KCTD8: variants seen among roughly 807,000 people sequenced by gnomAD.
KCTD8 encodes the protein potassium channel tetramerization domain containing 8.
A neutral mutation model predicts 31.5 loss-of-function variants in KCTD8; 27 were observed. The observed-to-expected ratio is 0.86, with a 90% CI of 0.63 to 1.18. The LOEUF is 1.18. Ranked by LOEUF, KCTD8 falls within the 50% of genes most tolerant of loss-of-function variation. The probability of loss-of-function intolerance (pLI) is 0.00; values close to 1 mark genes in which losing one functional copy is unlikely to be tolerated. For synonymous variants in KCTD8, 290 were observed against 280.0 expected (o/e 1.04, Z -0.36); for missense variants, 658 against 647.7 (o/e 1.02, Z -0.17).
chr4:44,174,036 T>G lies in KCTD8; in HGVS notation c.*754A>C, dbSNP rs1713121342. 1 of 152,128 alleles carries G rather than the reference T, an allele frequency of 6.6e-6. No individual in the cohort carries two copies. The highest frequency in any genetic ancestry group is 2.4e-5 in the African/African-American group (1 of 41,438). 9.4% of individuals were successfully genotyped at this position (152,128 alleles called of 1,614,324 possible). On this transcript the variant is annotated 3_prime_UTR_variant, in exon 2 of 2. Transcript: ENST00000360029. ...TTTTCACAGCCCGATGTAAGACTCA[T>G]TTCACAGTAATAATCATGACTAGCA... is the stretch of plus-strand genomic sequence containing the variant.
At chr4:44,410,225 T>C (rs1305639122) in intron 1 of KCTD8, among the ~76,000 whole-genome samples, 3 of 152,178 alleles carry the variant, frequency 2.0e-5, no homozygotes, top group African/African-American at 4.8e-5. Context: ...TATACAGAAA[T>C]TGCCTTCAAA....
intron 1 of KCTD8, among the ~76,000 whole-genome samples, chr4:44,390,406 C>T (rs1720342717): frequency 6.6e-6 from 1 of 151,752 alleles, no homozygotes; most frequent in African/African-American, 2.4e-5. Flanking sequence ...TTTCCCTCGA[C>T]CACCTTTATG....
chr4:44,268,960 C>A (rs965379798), intron 1 of KCTD8, among the ~76,000 whole-genome samples: 13 of 152,164 alleles, frequency 8.5e-5, no homozygotes, highest in African/African-American at 2.9e-4. Flanking sequence ...AAACGGCCAT[C>A]CTGCCCAAGG....
chr4:44,262,589 T>G (rs939245612), intron 1 of KCTD8, among the ~76,000 whole-genome samples: 2 of 152,156 alleles, frequency 1.3e-5, no homozygotes, highest in African/African-American at 2.4e-5. Context: ...AATTTGTTAT[T>G]TTGCCTTTAA....
intron 1 of KCTD8, among the ~76,000 whole-genome samples, chr4:44,385,476 T>C (rs1023890784): frequency 1.8e-4 from 27 of 151,718 alleles, no homozygotes; most frequent in African/African-American, 6.5e-4. Context: ...CAACAAATAA[T>C]GCTTGGAAAA....
At chr4:44,407,536 G>A (rs373798482) in intron 1 of KCTD8, among the ~76,000 whole-genome samples, 20 of 151,846 alleles carry the variant, frequency 1.3e-4, no homozygotes, top group African/African-American at 4.1e-4. Context: ...ACAGGCATGC[G>A]CCACCATGCC....
chr4:44,225,106 A>G (rs1012142035), intron 1 of KCTD8, among the ~76,000 whole-genome samples: 2 of 152,214 alleles, frequency 1.3e-5, no homozygotes, highest in Non-Finnish European at 2.9e-5. Context: ...AGTGGTCTCT[A>G]CCAAACCTTT....
intron 1 of KCTD8, among the ~76,000 whole-genome samples, chr4:44,323,856 C>G (rs778150034): frequency 2.0e-5 from 3 of 151,694 alleles, no homozygotes; most frequent in African/African-American, 7.3e-5. Flanking sequence ...ACATTATCAT[C>G]GCCTGGTCTG....
intron 1 of KCTD8, among the ~76,000 whole-genome samples, chr4:44,239,807 A>G (rs909642894): frequency 6.6e-6 from 1 of 152,168 alleles, no homozygotes; most frequent in African/African-American, 2.4e-5. Context: ...TTCTTGCCCA[A>G]TGCAATGTGT....
At chr4:44,320,824 A>AAAG (rs2109405882) in intron 1 of KCTD8, among the ~76,000 whole-genome samples, 1 of 150,880 alleles carries the variant, frequency 6.6e-6, no homozygotes, top group Non-Finnish European at 1.5e-5. Context: ...TGATTCTTAA[A>AAAG]AAAAAAAAAA....
Position 44,448,218 on chromosome 4 carries a change from G to A in KCTD8, c.306C>T (p.Asp102=). 6.2e-7 allele frequency: 1 copy of A among 1,612,146 alleles called. No homozygotes were observed. The highest frequency in any genetic ancestry group is 8.5e-7 in the Non-Finnish European group (1 of 1,179,588). The change falls in exon 1 of 2, where the codon GAC becomes GAT. Residue 102 remains aspartate (D), a synonymous_variant. Coordinates refer to ENST00000360029, the MANE Select transcript of KCTD8 (RefSeq NM_198353.3). This position sits in a 1 kb window ranked among gnomAD's most constrained non-coding sequence, Gnocchi z 4.1. ...CCAGCACGTACCTGAAAAGGAAGCCGTCCCGGTCGATGAAGAAGCGCGCCC... is the reference window on the plus strand; with the variant it reads ...CCAGCACGTACCTGAAAAGGAAGCCATCCCGGTCGATGAAGAAGCGCGCCC... ...DSRARFFIDR[D]GFLFRYVLDY...
intron 1 of KCTD8, among the ~76,000 whole-genome samples, chr4:44,258,370 TTA>T (rs1201867849): frequency 6.6e-6 from 1 of 151,982 alleles, no homozygotes; most frequent in Non-Finnish European, 1.5e-5. Flanking sequence ...TGGGTGAATT[TTA>T]TGATATGAAA....
intron 1 of KCTD8, among the ~76,000 whole-genome samples, chr4:44,335,921 C>T (rs3108896): frequency 6.6e-6 from 1 of 151,316 alleles, no homozygotes; most frequent in Non-Finnish European, 1.5e-5. Flanking sequence ...GAGGCCGAGG[C>T]GGGCGGATCA....
chr4:44,430,301 C>T (rs1721442465), intron 1 of KCTD8, among the ~76,000 whole-genome samples: 1 of 151,534 alleles, frequency 6.6e-6, no homozygotes, highest in African/African-American at 2.4e-5. Flanking sequence ...GACAGAGGAG[C>T]AAGAGTGTTC....
chr4:44,230,881 G>A (rs1303177000), intron 1 of KCTD8, among the ~76,000 whole-genome samples: 3 of 151,944 alleles, frequency 2.0e-5, no homozygotes, highest in African/African-American at 7.3e-5. Context: ...CTATCATTTG[G>A]GAATATCCAG....
chr4:44,435,265 C>G (rs1212272959), intron 1 of KCTD8, among the ~76,000 whole-genome samples: 1 of 151,934 alleles, frequency 6.6e-6, no homozygotes, highest in Non-Finnish European at 1.5e-5. Flanking sequence ...GAAATAACCT[C>G]AAGGAATTTA....
chr4:44,308,371 C>T (rs1482443881), intron 1 of KCTD8, among the ~76,000 whole-genome samples: 1 of 151,752 alleles, frequency 6.6e-6, no homozygotes, highest in South Asian at 2.1e-4. Context: ...AGAACCTGTT[C>T]CATATTTGGA....
intron 1 of KCTD8, among the ~76,000 whole-genome samples, chr4:44,242,827 T>A (rs1204700075): frequency 1.3e-5 from 2 of 152,064 alleles, no homozygotes; most frequent in Non-Finnish European, 2.9e-5. Context: ...ATCTTCCCCC[T>A]CTTCCTCTTG....
chr4:44,274,359 A>C (rs1716694515), intron 1 of KCTD8, among the ~76,000 whole-genome samples: 1 of 151,904 alleles, frequency 6.6e-6, no homozygotes, highest in Non-Finnish European at 1.5e-5. Flanking sequence ...GTGCAAAAGT[A>C]ATTGCAGTTT....
Sources: allele counts gnomAD v4.1 joint callset (sites outside exome capture counted in the v4.1 genomes callset), GRCh38; gene constraint gnomAD v4.1.1; non-coding constraint Gnocchi (gnomAD v3.1); transcripts MANE v1.5; gene names NCBI Gene and HGNC (gene_info 2026-07-23, HGNC 2026-07-21).